The following PLSCR2 variants were observed in gnomAD, a reference collection of about 807,000 sequenced individuals.
The protein encoded by PLSCR2 is PL scramblase 2.
PLSCR2 carries 18 observed loss-of-function variants against 25.3 expected under a neutral mutation model. The observed-to-expected ratio is 0.71, with a 90% CI of 0.49 to 1.06. The LOEUF is 1.06. Among genes scored for constraint, PLSCR2 ranks in the 50% least tolerant of loss-of-function variants. The pLI is 0.00. For synonymous variants in PLSCR2, 88 were observed against 87.3 expected (o/e 1.01, Z -0.04); for missense variants, 243 against 269.5 (o/e 0.90, Z 0.69).
intron 2 of PLSCR2, among the ~76,000 whole-genome samples, chr3:146,425,563 G>A (rs1170919039): frequency 1.3e-5 from 2 of 152,156 alleles, no homozygotes; most frequent in African/African-American, 4.8e-5. Context: ...ATCTAAAAAT[G>A]TGGAAGTAGC....
chr3:146,471,454 G>A (rs1199489528), intron 1 of PLSCR2, among the ~76,000 whole-genome samples: 1 of 151,706 alleles, frequency 6.6e-6, no homozygotes, highest in East Asian at 1.9e-4. Flanking sequence ...TCTGTGATTT[G>A]TCTGAAATAT....
At chr3:146,460,580 G>A (rs1427703327), upstream of PLSCR2, among the ~76,000 whole-genome samples, 1 of 152,176 alleles carries the variant, frequency 6.6e-6, no homozygotes, top group Non-Finnish European at 1.5e-5. Flanking sequence ...GGGGAGATGG[G>A]GTTGACCCCT....
At chr3:146,402,940 AAAT>A (rs1234494569) in intron 2 of PLSCR2, among the ~76,000 whole-genome samples, 5 of 152,332 alleles carry the variant, frequency 3.3e-5, no homozygotes, top group Admixed American at 2.0e-4. Flanking sequence ...TAACTCATTA[AAAT>A]AATATTTTCT....
intron 3 of PLSCR2, among the ~76,000 whole-genome samples, chr3:146,393,174 G>A (rs570387944): frequency 2.1e-5 from 3 of 144,154 alleles, no homozygotes; most frequent in Admixed American, 1.4e-4. Context: ...GACTACAGGC[G>A]CCCACCACCA....
chr3:146,413,793 C>T (rs2038925462), intron 2 of PLSCR2, among the ~76,000 whole-genome samples: 1 of 152,172 alleles, frequency 6.6e-6, no homozygotes, highest in South Asian at 2.1e-4. Flanking sequence ...CTTAATTTTC[C>T]ACTGATGGCA....
intron 6 of PLSCR2, among the ~76,000 whole-genome samples, chr3:146,447,634 A>G (rs532095715): frequency 1.3e-5 from 2 of 152,200 alleles, no homozygotes; most frequent in South Asian, 4.2e-4. Flanking sequence ...CTGGAGCTGC[A>G]AGCTGTGCTG....
intron 1 of PLSCR2, among the ~76,000 whole-genome samples, chr3:146,477,045 C>T (rs2042312173): frequency 6.6e-6 from 1 of 152,200 alleles, no homozygotes; most frequent in Non-Finnish European, 1.5e-5. Context: ...TCTCATGCCT[C>T]CCAGCTGGGT....
chr3:146,464,479 T>A (rs1296362989), upstream of PLSCR2, among the ~76,000 whole-genome samples: 1 of 152,200 alleles, frequency 6.6e-6, no homozygotes, highest in African/African-American at 2.4e-5. Context: ...TCTAACATGA[T>A]AACTTTAAAT....
At chr3:146,489,183 A>C (rs955431374) in intron 1 of PLSCR2, among the ~76,000 whole-genome samples, 4 of 151,972 alleles carry the variant, frequency 2.6e-5, no homozygotes, top group African/African-American at 9.7e-5. Context: ...AGTAGGGGAG[A>C]TAGCATCAGG....
chr3:146,393,935 T>C (rs1185231700), intron 3 of PLSCR2, among the ~76,000 whole-genome samples: 2 of 152,062 alleles, frequency 1.3e-5, no homozygotes, highest in Admixed American at 6.5e-5. Context: ...TGTGAGTAAA[T>C]TCCGCATTTT....
chr3:146,451,684 C>A (rs2040905421), intron 5 of PLSCR2, among the ~76,000 whole-genome samples: 1 of 152,160 alleles, frequency 6.6e-6, no homozygotes, highest in Non-Finnish European at 1.5e-5. Context: ...ATCATTCAGT[C>A]CTGTCCCCAT....
At chr3:146,490,468 T>C (rs2043507280) in intron 1 of PLSCR2, among the ~76,000 whole-genome samples, 1 of 152,154 alleles carries the variant, frequency 6.6e-6, no homozygotes, top group Admixed American at 6.5e-5. Flanking sequence ...CCCCTATTAT[T>C]GTGATTATCT....
chr3:146,413,234 C>T (rs2038911692), intron 2 of PLSCR2, among the ~76,000 whole-genome samples: 1 of 152,052 alleles, frequency 6.6e-6, no homozygotes. Context: ...CCTTCAAGGC[C>T]ATTCTCCCAT....
chr3:146,436,613 C>T (rs1001594174), intron 8 of PLSCR2, among the ~76,000 whole-genome samples: 37 of 152,080 alleles, frequency 2.4e-4, no homozygotes, highest in Admixed American at 2.4e-3. Context: ...GTGATTTTTG[C>T]ACATTGATTT....
chr3:146,461,895 G>A (rs1345873877), upstream of PLSCR2: 12 of 1,503,462 alleles, frequency 8.0e-6, no homozygotes, highest in Non-Finnish European at 1.1e-5. Context: ...GAAGTTTTCA[G>A]GAGTGCCCAG....
intron 1 of PLSCR2, among the ~76,000 whole-genome samples, chr3:146,478,377 A>G (rs1039404855): frequency 3.3e-5 from 5 of 152,202 alleles, no homozygotes; most frequent in African/African-American, 9.7e-5. Flanking sequence ...ACTAGAAAAA[A>G]CAGTGTAGAG....
chr3:146,454,589 G>A lies in PLSCR2; in HGVS notation c.322-426C>T, dbSNP rs2041090209. On this transcript the variant is annotated intron_variant, in intron 4 of 6. Transcript: ENST00000610787. The stretch of plus-strand genomic sequence containing the variant: ...ATGGTGTTGCGCCAATGGGATCCTG[G>A]AAAAGGCCAACTTTCCTAAAACATC... 2.6e-5 allele frequency among the ~76,000 whole-genome samples: 4 copies of A among 152,050 alleles called. 1 individual carries two copies. Among genetic ancestry groups the A allele is most frequent in the Admixed American group, 2.6e-4 (4 of 15,268 alleles).
chr3:146,474,565 A>G (rs2042223471), intron 1 of PLSCR2, among the ~76,000 whole-genome samples: 2 of 151,890 alleles, frequency 1.3e-5, no homozygotes, highest in Non-Finnish European at 2.9e-5. Context: ...TGCCCTTAGT[A>G]GTTTTTCCTT....
chr3:146,480,034 C>T (rs2043074109), intron 1 of PLSCR2, among the ~76,000 whole-genome samples: 1 of 152,038 alleles, frequency 6.6e-6, no homozygotes. Context: ...TTCTTTGAAA[C>T]CAATGAGAAC....
Sources: gnomAD v4.1 joint callset for allele counts (sites outside exome capture counted in the v4.1 genomes callset) on GRCh38, gnomAD v4.1.1 for gene constraint, MANE v1.5 for transcripts, NCBI Gene and HGNC (gene_info 2026-07-23, HGNC 2026-07-21) for gene names.